The following CLK1 variants were observed in gnomAD, a reference collection of about 807,000 sequenced individuals.
CLK1 encodes the protein dual specificity protein kinase CLK1.
Under a neutral mutation model 60.9 loss-of-function variants are expected in CLK1, and 40 were observed. The observed-to-expected ratio is 0.66, with a 90% confidence interval of 0.51 to 0.86. The LOEUF is 0.86. Among genes scored for constraint, CLK1 ranks in the 40% least tolerant of loss-of-function variants. CLK1 has a pLI of 0.00. For missense variants in CLK1, 563 were observed against 606.1 expected (o/e 0.93, Z 0.75); for synonymous variants, 203 against 184.4 (o/e 1.10, Z -0.82).
intron 12 of CLK1, 72 bp from the exon 13 acceptor site, chr2:200,853,521 A>G (rs1439278375): frequency 7.5e-7 from 1 of 1,325,986 alleles, no homozygotes; most frequent in Non-Finnish European, 1.0e-6. Context: ...ACAGTATAGT[A>G]AACCATATAT....
At chr2:200,856,627 A>G in intron 9 of CLK1, 55 bp downstream of exon 9, 1 of 1,493,124 alleles carries the variant, frequency 6.7e-7, no homozygotes, top group Non-Finnish European at 9.0e-7. Context: ...TGCTAAAAAA[A>G]TTTTAAGTCT....
At chr2:200,857,628 C>T in intron 7 of CLK1, 90 bp downstream of exon 7, 1 of 1,090,710 alleles carries the variant, frequency 9.2e-7, no homozygotes, top group Non-Finnish European at 1.3e-6. Context: ...TATTTTTAAT[C>T]AAATAAAAAT....
intron 5 of CLK1, among the ~76,000 whole-genome samples, chr2:200,858,912 T>C (rs982698930): frequency 1.3e-5 from 2 of 150,956 alleles, no homozygotes; most frequent in Non-Finnish European, 3.0e-5. Flanking sequence ...CAAGCGCTCA[T>C]GCCTGTAATC....
rs759112804 is a variant in CLK1 at position 200,855,035 on chromosome 2, A to T, written c.1109T>A (p.Ile370Asn). ...TACGGTAAACCCAAGATAGTATTCA[A>T]TAAGAATGCATCCTATGCTCCAGAC... ...CDVWSIGCILIEYYLGFTVFP... is the reference protein window; with the variant it reads ...CDVWSIGCILNEYYLGFTVFP... The change falls in exon 10 of 13, where the codon ATT (isoleucine) becomes AAT (asparagine). Residue 370 changes from isoleucine to asparagine, a missense_variant. Ile to Asn is a moderately radical substitution (Grantham distance 149). This residue lies in a region of CLK1 where 360 missense variants were observed against 407.0 expected (regional missense o/e 0.88). Coordinates refer to ENST00000321356, the MANE Select transcript of CLK1 (RefSeq NM_004071.4). The T allele has an allele frequency of 6.2e-7, 1 of 1,613,238 alleles. No homozygotes were observed. Among genetic ancestry groups the T allele is most frequent in the Admixed American group, 1.7e-5 (1 of 59,840 alleles).
At position 200,861,245 on chromosome 2, in the gene CLK1, G is replaced by T; in HGVS notation, c.383C>A (p.Ser128Ter). The T allele has an allele frequency of 6.2e-7, 1 of 1,614,014 alleles. No individual in the cohort carries two copies. ...RIHHSTSHRR[S>*]HGKSHRRKRT... ...TTTTAAAAACGTTCATACCCCATGTGAACGACGATGTGAAGTACTGTGGTG... is the reference window on the plus strand; with the variant it reads ...TTTTAAAAACGTTCATACCCCATGTTAACGACGATGTGAAGTACTGTGGTG... The change falls in exon 3 of 13, where the codon TCA (serine) becomes TAA (stop). Residue 128 changes from serine to a stop codon, truncating the protein, a stop_gained. Transcript: ENST00000321356. LOFTEE classifies it high-confidence loss of function.
Position 200,859,763 on chromosome 2 carries a change from A to T in CLK1, c.482-17T>A, listed in dbSNP as rs765897462. 1.2e-6 allele frequency: 2 copies of T among 1,611,824 alleles called. No homozygotes were observed. The highest frequency in any genetic ancestry group is 1.7e-6 in the Non-Finnish European group (2 of 1,178,608). ...CAATTTCATCTAAAAGAGAGAAATA[A>T]ATCTCAGTCATATCAAGAAGTGGAA... On this transcript the variant is annotated splice_polypyrimidine_tract_variant and intron_variant, in intron 4 of 12. Transcript: ENST00000321356.
At chr2:200,854,532 T>C (rs901746532) in intron 11 of CLK1, 84 bp downstream of exon 11, 29 of 737,388 alleles carry the variant, frequency 3.9e-5, no homozygotes, top group Middle Eastern at 3.2e-4. Flanking sequence ...CAAGACTCCA[T>C]CTCAAAAAAA....
rs765290925 is a variant in CLK1 at position 200,856,969 on chromosome 2, C to T, written c.849G>A (p.Lys283=). Residue 283 remains lysine, a synonymous_variant, in exon 8 of 13, where the codon AAG becomes AAA. Transcript: ENST00000321356. The part of the protein sequence containing the change: ...CKSVNFLHSN[K]LTHTDLKPEN... Reference sequence around the variant, plus strand: ...CAGGCTTTAAGTCTGTGTGAGTCAACTTATTACTGTGCAAAACTGAGAATA... The same window carrying T: ...CAGGCTTTAAGTCTGTGTGAGTCAATTTATTACTGTGCAAAACTGAGAATA... The T allele has an allele frequency of 6.2e-7, 1 of 1,613,834 alleles. No individual in the cohort carries two copies. The highest frequency in any genetic ancestry group is 8.5e-7 in the Non-Finnish European group (1 of 1,179,834).
At chr2:200,854,886 G>T in intron 10 of CLK1, 118 bp downstream of exon 10, 1 of 820,042 alleles carries the variant, frequency 1.2e-6, no homozygotes, top group Non-Finnish European at 2.0e-6. Context: ...ATATGAATTA[G>T]TTTATTTATG....
At chr2:200,856,159 G>A (rs534171172) in intron 9 of CLK1, among the ~76,000 whole-genome samples, 9 of 151,926 alleles carry the variant, frequency 5.9e-5, no homozygotes, top group East Asian at 5.8e-4. Flanking sequence ...TGCAACCTCC[G>A]CCTCCCGGTG....
intron 12 of CLK1, 85 bp downstream of exon 12, chr2:200,853,818 C>G: frequency 9.3e-7 from 1 of 1,069,970 alleles, no homozygotes; most frequent in African/African-American, 1.6e-5. Context: ...CTACTCCAGC[C>G]TGGACAACGA....
At chr2:200,855,523 G>A (rs547488263) in intron 9 of CLK1, among the ~76,000 whole-genome samples, 109 of 152,224 alleles carry the variant, frequency 7.2e-4, no homozygotes, top group Non-Finnish European at 1.4e-3. Context: ...TACTCAGGAG[G>A]CTGAGGTGGG....
chr2:200,860,901 T>G, intron 3 of CLK1: 2 of 1,091,738 alleles, frequency 1.8e-6, no homozygotes, highest in Non-Finnish European at 2.2e-6. Flanking sequence ...TTTTGTGATT[T>G]CAATAGATCA....
intron 9 of CLK1, among the ~76,000 whole-genome samples, chr2:200,855,914 CA>C (rs1380052723): frequency 1.3e-5 from 2 of 150,260 alleles, no homozygotes; most frequent in African/African-American, 2.4e-5. Flanking sequence ...GAGGCTGAGG[CA>C]GGAGAATTGC....
Position 200,854,661 on chromosome 2 carries a change from T to C in CLK1, c.1175A>G (p.Glu392Gly). The C allele has an allele frequency of 6.2e-7, 1 of 1,610,446 alleles. No individual in the cohort carries two copies. Among genetic ancestry groups the C allele is most frequent in the Non-Finnish European group, 8.5e-7 (1 of 1,176,688 alleles). Residue 392 changes from glutamate (E) to glycine (G), a missense_variant, in exon 11 of 13, where the codon GAA becomes GGA. Physicochemically the swap from Glu to Gly is moderately conservative, Grantham distance 98. This residue lies in a region of CLK1 where 360 missense variants were observed against 407.0 expected (regional missense o/e 0.88). Transcript: ENST00000321356. ...TTTTGGTAGAGGTCCAAGAATCCTTTCCATCATTGCTAAATGCTCCTTACT... is the reference window on the plus strand; with the variant it reads ...TTTTGGTAGAGGTCCAAGAATCCTTCCCATCATTGCTAAATGCTCCTTACT... Reference protein sequence around the residue: ...HDSKEHLAMMERILGPLPKHM... With the variant: ...HDSKEHLAMMGRILGPLPKHM...
At chr2:200,861,633 A>C (rs1287956235) in intron 2 of CLK1, 69 bp downstream of exon 2, 2 of 1,581,152 alleles carry the variant, frequency 1.3e-6, no homozygotes, top group Non-Finnish European at 1.7e-6. Context: ...TCAGGTACTT[A>C]TTTTAAGTGA....
intron 12 of CLK1, 21 bp from the exon 13 acceptor site, chr2:200,853,470 C>A (rs996857534): frequency 4.4e-6 from 7 of 1,597,828 alleles, no homozygotes; most frequent in Non-Finnish European, 6.0e-6. Flanking sequence ...AAAAGAAATT[C>A]ATTCAACAGC....
At chr2:200,863,477 G>A (rs1257982985) in intron 1 of CLK1, among the ~76,000 whole-genome samples, 1 of 152,146 alleles carries the variant, frequency 6.6e-6, no homozygotes, top group Non-Finnish European at 1.5e-5. Flanking sequence ...AAGATCACCT[G>A]AGCCCAGATG....
chr2:200,859,835 T>C (rs777474642), intron 4 of CLK1, 89 bp from the exon 5 acceptor site: 2 of 1,553,294 alleles, frequency 1.3e-6, no homozygotes, highest in Non-Finnish European at 1.7e-6. Context: ...ATTATTCTAG[T>C]TGATGCTACA....
Sources: gnomAD v4.1 joint callset for allele counts (sites outside exome capture counted in the v4.1 genomes callset) on GRCh38, gnomAD v4.1.1 for gene constraint, gnomAD v4.1.1 regional missense constraint, MANE v1.5 for transcripts, NCBI Gene and HGNC (gene_info 2026-07-23, HGNC 2026-07-21) for gene names.